MSI2: variants seen among roughly 807,000 people sequenced by gnomAD.
MSI2 encodes RNA-binding protein Musashi homolog 2.
MSI2 carries 17 observed loss-of-function variants against 45.6 expected under a neutral mutation model. The observed-to-expected ratio is 0.37, with a 90% CI of 0.26 to 0.56. The LOEUF is 0.56. Ranked by LOEUF, MSI2 falls within the 20% of genes least tolerant of loss-of-function variation. The pLI is 0.77. For synonymous variants in MSI2, 156 were observed against 158.2 expected (o/e 0.99, Z 0.11); for missense variants, 293 against 444.2 (o/e 0.66, Z 3.06).
chr17:57,317,835 G>A (rs1189205686), intron 5 of MSI2, among the ~76,000 whole-genome samples: 1 of 152,082 alleles, frequency 6.6e-6, no homozygotes, highest in African/African-American at 2.4e-5. Flanking sequence ...CTTGGGAAGG[G>A]TGCTCCAGGG....
At chr17:57,618,764 G>C in intron 9 of MSI2, among the ~76,000 whole-genome samples, 1 of 152,028 alleles carries the variant, frequency 6.6e-6, no homozygotes. Context: ...GGATGGTCTC[G>C]ATCTCTTGAC....
chr17:57,679,461 C>A (rs149712864), intron 13 of MSI2, 88 bp from the exon 14 acceptor site: 1 of 634,100 alleles, frequency 1.6e-6, no homozygotes, highest in Non-Finnish European at 2.0e-6. Context: ...TGGAGGAAAT[C>A]GCATACTTGT....
chr17:57,327,637 G>A (rs1321236897), intron 5 of MSI2, among the ~76,000 whole-genome samples: 14 of 152,138 alleles, frequency 9.2e-5, no homozygotes, highest in Admixed American at 8.5e-4. Context: ...CTGAGCTTCG[G>A]GTAGACAAAA....
Position 57,520,418 on chromosome 17 carries a change from A to G in MSI2, c.406-9258A>G, listed in dbSNP as rs539880168. On this transcript the variant is annotated intron_variant, in intron 6 of 13. Transcript: ENST00000284073. The stretch of plus-strand genomic sequence containing the variant: ...GTTTTTTCTTGTAAGCTAAATGGGA[A>G]AATAGAATGATCCCACAAGAATAAA... Among the ~76,000 whole-genome samples the G allele has an allele frequency of 7.9e-5, 12 of 152,338 alleles. No homozygotes were observed. The East Asian group carries it at 1.5e-3, about 20-fold the overall frequency.
the MSI2 span, among the ~76,000 whole-genome samples, chr17:57,691,725 G>C: frequency 2.8e-4 from 43 of 152,204 alleles, no homozygotes; most frequent in African/African-American, 8.9e-4. Context: ...ATTAATTCTG[G>C]CAGCTTTTTT....
chr17:57,699,182 A>AGAGAGTGTGTGT, the MSI2 span, among the ~76,000 whole-genome samples: 2 of 25,086 alleles, frequency 8.0e-5, 1 homozygote, highest in African/African-American at 6.2e-4. Context: ...AGAGAGAGAG[A>AGAGAGTGTGTGT]GTGTGTGTGT....
chr17:57,466,912 CT>C (rs2085340746), intron 6 of MSI2, among the ~76,000 whole-genome samples: 1 of 152,208 alleles, frequency 6.6e-6, no homozygotes, highest in Admixed American at 6.5e-5. Context: ...TCTGTGCCCC[CT>C]GCTCTTTAGT....
At chr17:57,623,331 A>G (rs1334896572) in intron 9 of MSI2, among the ~76,000 whole-genome samples, 1 of 152,040 alleles carries the variant, frequency 6.6e-6, no homozygotes, top group Non-Finnish European at 1.5e-5. Context: ...GCCGTTTTCC[A>G]TGACTCTGAG....
chr17:57,299,809 C>T (rs1480137706), intron 5 of MSI2, among the ~76,000 whole-genome samples: 1 of 152,130 alleles, frequency 6.6e-6, no homozygotes, highest in Non-Finnish European at 1.5e-5. Context: ...GATAGACTTA[C>T]TCAGCTCTAC....
At chr17:57,432,397 C>T (rs1367838134) in intron 6 of MSI2, among the ~76,000 whole-genome samples, 1 of 152,168 alleles carries the variant, frequency 6.6e-6, no homozygotes, top group Non-Finnish European at 1.5e-5. Context: ...CTGCGGTGTG[C>T]ATTTCTCTAG....
At chr17:57,576,326 C>T (rs1364334513) in intron 7 of MSI2, among the ~76,000 whole-genome samples, 1 of 152,214 alleles carries the variant, frequency 6.6e-6, no homozygotes, top group Non-Finnish European at 1.5e-5. Context: ...CTGGATCCTA[C>T]TCTCCATTGT....
chr17:57,521,475 C>T (rs2086583078), intron 6 of MSI2, among the ~76,000 whole-genome samples: 1 of 152,166 alleles, frequency 6.6e-6, no homozygotes, highest in South Asian at 2.1e-4. Flanking sequence ...TTTGGCTCTT[C>T]CGAGCTGCTT....
chr17:57,587,051 C>T (rs1399165002), intron 7 of MSI2, among the ~76,000 whole-genome samples: 2 of 152,134 alleles, frequency 1.3e-5, no homozygotes, highest in East Asian at 1.9e-4. Context: ...GGGCAACACC[C>T]ACTGAGACCA....
At chr17:57,359,934 A>G (rs993817930) in intron 5 of MSI2, among the ~76,000 whole-genome samples, 1 of 152,026 alleles carries the variant, frequency 6.6e-6, no homozygotes, top group Non-Finnish European at 1.5e-5. Context: ...ATTCTGGGAA[A>G]CTCTTCACAG....
At chr17:57,558,951 A>G (rs1394678136) in intron 7 of MSI2, among the ~76,000 whole-genome samples, 2 of 151,924 alleles carry the variant, frequency 1.3e-5, no homozygotes, top group African/African-American at 4.8e-5. Flanking sequence ...TAACCCCACT[A>G]CTCGGGAGGC....
intron 9 of MSI2, among the ~76,000 whole-genome samples, chr17:57,622,526 A>G (rs756369045): frequency 6.6e-6 from 1 of 152,152 alleles, no homozygotes; most frequent in Admixed American, 6.5e-5. Flanking sequence ...AGGCCCAGAA[A>G]CGAAGAGAGG....
intron 5 of MSI2, among the ~76,000 whole-genome samples, chr17:57,379,856 C>T (rs1478602063): frequency 1.3e-5 from 2 of 152,182 alleles, no homozygotes; most frequent in East Asian, 1.9e-4. Flanking sequence ...TCTTTGTTCT[C>T]GAATACGGTG....
At chr17:57,354,068 G>T (rs1321472845) in intron 5 of MSI2, among the ~76,000 whole-genome samples, 2 of 152,148 alleles carry the variant, frequency 1.3e-5, no homozygotes, top group East Asian at 3.8e-4. Flanking sequence ...CTAATGAGAA[G>T]AATGGATTTT....
At chr17:57,546,702 C>G (rs1210265944) in intron 7 of MSI2, among the ~76,000 whole-genome samples, 2 of 152,206 alleles carry the variant, frequency 1.3e-5, no homozygotes, top group Non-Finnish European at 2.9e-5. Flanking sequence ...TCCATGTGTT[C>G]CCTTTGGGTT....
Sources: allele counts gnomAD v4.1 joint callset (sites outside exome capture counted in the v4.1 genomes callset), GRCh38; gene constraint gnomAD v4.1.1; transcripts MANE v1.5; gene names NCBI Gene and HGNC (gene_info 2026-07-23, HGNC 2026-07-21).